Variants in MAGI2 observed in about 807,000 individuals in gnomAD.
MAGI2 encodes membrane-associated guanylate kinase, WW and PDZ domain-containing protein 2.
In MAGI2, 35 loss-of-function variants were observed where a neutral mutation model predicts 133.3. The ratio of observed to expected loss-of-function variants is 0.26; its 90% CI spans 0.20 to 0.35. The LOEUF is 0.35. Among genes scored for constraint, MAGI2 ranks in the 10% least tolerant of loss-of-function variants. MAGI2 has a pLI of 1.00. For synonymous variants in MAGI2, 729 were observed against 710.6 expected (o/e 1.03, Z -0.41); for missense variants, 1,636 against 1,863.4 (o/e 0.88, Z 2.25).
Position 78,343,801 on chromosome 7 carries a change from G to T in MAGI2, c.1385C>A (p.Ala462Glu). Residue 462 changes from alanine to glutamate, a missense_variant, in exon 9 of 22, where the codon GCA becomes GAA. By Grantham distance (107) the Ala-to-Glu change is moderately radical (BLOSUM62 -1). This residue lies in a region of MAGI2 where 920 missense variants were observed against 1,093.5 expected (regional missense o/e 0.84). Transcript: ENST00000354212. ...ACCTGTTTCCATTTTTCCATCCTGT[G>T]CTGCAGGCCCATCCGGAATCACACT... ...VKSVIPDGPA[A>E]QDGKMETGDV... 1 of 1,593,366 alleles carries T rather than the reference G, an allele frequency of 6.3e-7. No homozygotes were observed. Among genetic ancestry groups the T allele is most frequent in the South Asian group, 1.1e-5 (1 of 87,420 alleles).
At position 79,300,538 on chromosome 7, in the gene MAGI2, T is replaced by C. The variant is rs148973657; in HGVS notation, c.301+152482A>G. Among the ~76,000 whole-genome samples, 498 of 152,270 alleles carry C rather than the reference T, an allele frequency of 3.3e-3. 2 individuals are homozygous for C. Among genetic ancestry groups the C allele is most frequent in the African/African-American group, 0.012 (480 of 41,556 alleles). ...GCTCCTAAAAACCTATGCTCAGATGTGGGAGCAAAGAAATGACTTAAATTT... is the reference window on the plus strand; with the variant it reads ...GCTCCTAAAAACCTATGCTCAGATGCGGGAGCAAAGAAATGACTTAAATTT... On this transcript the variant is annotated intron_variant, in intron 1 of 21. Coordinates refer to ENST00000354212, the MANE Select transcript of MAGI2 (RefSeq NM_012301.4).
At chr7:79,239,091 C>A (rs891567788) in intron 1 of MAGI2, among the ~76,000 whole-genome samples, 2 of 152,120 alleles carry the variant, frequency 1.3e-5, no homozygotes, top group African/African-American at 4.8e-5. Context: ...TATGCACTTG[C>A]ACACCATGTT....
intron 1 of MAGI2, among the ~76,000 whole-genome samples, chr7:79,158,316 C>T (rs1295397943): frequency 1.3e-5 from 2 of 151,882 alleles, no homozygotes; most frequent in Admixed American, 6.6e-5. Context: ...CATAAAAGAG[C>T]TCTAATTAAT....
chr7:78,300,831 CT>C (rs1797758319), intron 9 of MAGI2, among the ~76,000 whole-genome samples: 1 of 152,120 alleles, frequency 6.6e-6, no homozygotes, highest in African/African-American at 2.4e-5. Flanking sequence ...CTAAAAGTTC[CT>C]TGGAAAGGAA....
At position 78,208,985 on chromosome 7, in the gene MAGI2, G is replaced by A. The variant is rs1191343673; in HGVS notation, c.2048-7792C>T. ...CGCCTGTAATCCCAGCACTTTGGGA[G>A]GCCGAGGCAGGTGGATCACGAGGTC... On this transcript the variant is annotated intron_variant, in intron 10 of 21. Coordinates refer to ENST00000354212, the MANE Select transcript of MAGI2 (RefSeq NM_012301.4). Among the ~76,000 whole-genome samples the A allele has an allele frequency of 2.6e-5, 4 of 151,522 alleles. No individual in the cohort carries two copies. In the South Asian group the frequency reaches 6.3e-4, roughly 24 times the overall value.
chr7:78,576,266 A>G (rs1422653305), intron 3 of MAGI2, among the ~76,000 whole-genome samples: 1 of 152,176 alleles, frequency 6.6e-6, no homozygotes, highest in Non-Finnish European at 1.5e-5. Context: ...CTTTTGGGAC[A>G]CATTGGTCTC....
chr7:78,071,208 C>A (rs1343214096), intron 21 of MAGI2, among the ~76,000 whole-genome samples: 4 of 152,174 alleles, frequency 2.6e-5, no homozygotes, highest in Non-Finnish European at 4.4e-5. Flanking sequence ...TTTGGCTGAG[C>A]ATCAGGGAAA....
intron 2 of MAGI2, among the ~76,000 whole-genome samples, chr7:78,898,940 G>A (rs1351886313): frequency 6.6e-6 from 1 of 151,850 alleles, no homozygotes; most frequent in African/African-American, 2.4e-5. Context: ...ATATGTTATT[G>A]CACGTATTTT....
At chr7:79,253,357 T>C (rs750741051) in intron 1 of MAGI2, among the ~76,000 whole-genome samples, 6 of 152,164 alleles carry the variant, frequency 3.9e-5, no homozygotes, top group Non-Finnish European at 7.4e-5. Flanking sequence ...AATCTGACAC[T>C]GTTGGCCAGG....
At chr7:78,642,228 T>G (rs1374090455) in intron 2 of MAGI2, among the ~76,000 whole-genome samples, 4 of 152,232 alleles carry the variant, frequency 2.6e-5, no homozygotes, top group African/African-American at 9.6e-5. Context: ...TTATGTTTGA[T>G]AGAAAATTTG....
chr7:79,118,747 A>G (rs1221057088), intron 1 of MAGI2, among the ~76,000 whole-genome samples: 1 of 151,980 alleles, frequency 6.6e-6, no homozygotes, highest in East Asian at 1.9e-4. Context: ...TGCACTACCC[A>G]TATCCCTCAT....
chr7:78,687,969 TAAAAAAAAAAAAAAAA>T (rs72030909), intron 2 of MAGI2, among the ~76,000 whole-genome samples: 237 of 67,246 alleles, frequency 3.5e-3, no homozygotes, highest in African/African-American at 5.3e-3. Flanking sequence ...GTCCTTGCCT[TAAAAAAAAAAAAAAAA>T]AAAAAAAAAA....
At chr7:79,424,506 T>C (rs1004833073) in intron 1 of MAGI2, among the ~76,000 whole-genome samples, 1 of 152,062 alleles carries the variant, frequency 6.6e-6, no homozygotes, top group Non-Finnish European at 1.5e-5. Context: ...TGACTATAGG[T>C]ATTGACAATA....
At chr7:79,404,594 C>T (rs187829738) in intron 1 of MAGI2, among the ~76,000 whole-genome samples, 97 of 152,192 alleles carry the variant, frequency 6.4e-4, no homozygotes, top group Admixed American at 1.2e-3. Context: ...GTATATTTCC[C>T]AAGAGCAATC....
chr7:79,024,732 GACA>G (rs1809694826), intron 1 of MAGI2, among the ~76,000 whole-genome samples: 1 of 151,866 alleles, frequency 6.6e-6, no homozygotes, highest in African/African-American at 2.4e-5. Context: ...CATATGCATG[GACA>G]ACAAGCACAT....
chr7:78,835,270 T>A (rs534998344), intron 2 of MAGI2, among the ~76,000 whole-genome samples: 1 of 152,304 alleles, frequency 6.6e-6, no homozygotes, highest in South Asian at 2.1e-4. Flanking sequence ...ATTATAGCCA[T>A]CCTAGTGGGT....
Position 78,227,315 on chromosome 7 carries a change from G to C in MAGI2, c.2048-26122C>G, listed in dbSNP as rs148165701. On this transcript the variant is annotated intron_variant, in intron 10 of 21. Coordinates refer to ENST00000354212, the MANE Select transcript of MAGI2 (RefSeq NM_012301.4). ...CATTAGAGTAAGTCTGGACTCTCTT[G>C]CTGGGCATTCAAGGCCCTACCGGAG... 8.5e-3 allele frequency among the ~76,000 whole-genome samples: 1,290 copies of C among 152,266 alleles called. 15 individuals carry two copies. Among genetic ancestry groups the C allele is most frequent in the African/African-American group, 0.029 (1,209 of 41,556 alleles).
chr7:78,625,912 A>G (rs1563260621), intron 3 of MAGI2, among the ~76,000 whole-genome samples: 1 of 152,188 alleles, frequency 6.6e-6, no homozygotes, highest in Non-Finnish European at 1.5e-5. Flanking sequence ...AGGCTGTAGC[A>G]TCTAGGTTTG....
At chr7:78,654,967 T>C (rs1254386151) in intron 2 of MAGI2, among the ~76,000 whole-genome samples, 1 of 151,600 alleles carries the variant, frequency 6.6e-6, no homozygotes, top group Non-Finnish European at 1.5e-5. Context: ...TTTTAGCTGC[T>C]ACAAAGCCTC....
Sources: allele counts gnomAD v4.1 joint callset (sites outside exome capture counted in the v4.1 genomes callset), GRCh38; gene constraint gnomAD v4.1.1; regional missense constraint gnomAD v4.1.1; transcripts MANE v1.5; gene names NCBI Gene and HGNC (gene_info 2026-07-23, HGNC 2026-07-21).